NCKAP5: variants seen among roughly 807,000 people sequenced by gnomAD.
NCKAP5 encodes the protein nck-associated protein 5.
NCKAP5 carries 92 observed loss-of-function variants against 167.0 expected under a neutral mutation model. That is an observed-to-expected ratio of 0.55 (90% confidence interval 0.47 to 0.66). The LOEUF is 0.66. Ranked by LOEUF, NCKAP5 falls within the 30% of genes least tolerant of loss-of-function variation. The probability of loss-of-function intolerance (pLI) is 0.00; values close to 1 mark genes in which losing one functional copy is unlikely to be tolerated. For missense variants in NCKAP5, 2,378 were observed against 2,315.0 expected (o/e 1.03, Z -0.56); for synonymous variants, 891 against 877.4 (o/e 1.02, Z -0.27).
chr2:132,690,070 A>C (rs894476004), intron 19 of NCKAP5, among the ~76,000 whole-genome samples: 1 of 152,140 alleles, frequency 6.6e-6, no homozygotes, highest in South Asian at 2.1e-4. Context: ...CAAGTCCTTG[A>C]ATAATATCCT....
intron 6 of NCKAP5, among the ~76,000 whole-genome samples, chr2:133,003,933 G>C (rs577273604): frequency 1.4e-4 from 22 of 152,338 alleles, no homozygotes; most frequent in African/African-American, 4.8e-4. Context: ...ACTGCACGGA[G>C]AGAGGCCGAT....
At chr2:132,750,773 C>T (rs963898472) in intron 16 of NCKAP5, among the ~76,000 whole-genome samples, 3 of 152,118 alleles carry the variant, frequency 2.0e-5, no homozygotes, top group African/African-American at 7.2e-5. Context: ...GCCAGGGCAG[C>T]TAAGAGAGCT....
At chr2:132,886,632 T>C (rs1206953646) in intron 8 of NCKAP5, among the ~76,000 whole-genome samples, 5 of 152,250 alleles carry the variant, frequency 3.3e-5, no homozygotes, top group Non-Finnish European at 5.9e-5. Context: ...TTTTCAAAAG[T>C]ATAGGCCAGT....
chr2:132,930,078 C>T (rs1156666839), intron 8 of NCKAP5: 3 of 152,142 alleles, frequency 2.0e-5, no homozygotes, highest in Non-Finnish European at 4.4e-5. Context: ...CTACTTCCAA[C>T]CTCCACAATT....
chr2:133,352,023 A>G (rs1684397748), intron 3 of NCKAP5, among the ~76,000 whole-genome samples: 1 of 152,142 alleles, frequency 6.6e-6, no homozygotes, highest in African/African-American at 2.4e-5. Flanking sequence ...TCTATGAAAA[A>G]AAATGCAACT....
intron 11 of NCKAP5, among the ~76,000 whole-genome samples, chr2:132,801,753 A>G (rs1284619618): frequency 1.3e-5 from 2 of 152,140 alleles, no homozygotes; most frequent in East Asian, 1.9e-4. Flanking sequence ...AGTCAGTTTT[A>G]TGTTCTCTGT....
At chr2:132,862,477 C>T (rs1689987071) in intron 10 of NCKAP5, among the ~76,000 whole-genome samples, 1 of 152,146 alleles carries the variant, frequency 6.6e-6, no homozygotes, top group African/African-American at 2.4e-5. Flanking sequence ...GGCAGGATCA[C>T]GAGTGCACAT....
At chr2:133,606,653 A>C in the NCKAP5 span, among the ~76,000 whole-genome samples, 1 of 149,864 alleles carries the variant, frequency 6.7e-6, no homozygotes, top group African/African-American at 2.5e-5. Context: ...CACCTCCAAA[A>C]TTTTGCCAAG....
At chr2:133,092,815 C>T (rs1394412513) in intron 6 of NCKAP5, among the ~76,000 whole-genome samples, 4 of 152,128 alleles carry the variant, frequency 2.6e-5, no homozygotes, top group Non-Finnish European at 5.9e-5. Context: ...TTAGTAACAC[C>T]ATTCCTTTCA....
At chr2:132,925,725 G>GGGTT (rs748982930) in intron 8 of NCKAP5, among the ~76,000 whole-genome samples, 9 of 152,190 alleles carry the variant, frequency 5.9e-5, no homozygotes, top group African/African-American at 1.4e-4. Flanking sequence ...TGTGGCCTGG[G>GGGTT]GGTTGGGGAC....
At chr2:132,818,298 C>A (rs1558817434) in intron 11 of NCKAP5, among the ~76,000 whole-genome samples, 1 of 152,202 alleles carries the variant, frequency 6.6e-6, no homozygotes, top group Admixed American at 6.5e-5. Flanking sequence ...ATAATCTAAG[C>A]AATTGTCCTG....
chr2:132,726,879 G>C (rs529514388), intron 18 of NCKAP5, among the ~76,000 whole-genome samples: 1 of 152,334 alleles, frequency 6.6e-6, no homozygotes, highest in Non-Finnish European at 1.5e-5. Flanking sequence ...CATGAAGAAA[G>C]ACAAGTCTAC....
At chr2:133,260,046 A>T (rs1237998342) in intron 4 of NCKAP5, among the ~76,000 whole-genome samples, 1 of 152,244 alleles carries the variant, frequency 6.6e-6, no homozygotes, top group Non-Finnish European at 1.5e-5. Flanking sequence ...TATTAATGCA[A>T]TGAGGATGAG....
At chr2:133,392,456 T>A (rs1687476355) in intron 3 of NCKAP5, among the ~76,000 whole-genome samples, 1 of 152,208 alleles carries the variant, frequency 6.6e-6, no homozygotes, top group Admixed American at 6.5e-5. Context: ...TTAAGTGACA[T>A]ATGACTGTAG....
chr2:133,174,043 T>C (rs1181756611), intron 5 of NCKAP5, among the ~76,000 whole-genome samples: 4 of 152,210 alleles, frequency 2.6e-5, no homozygotes, highest in African/African-American at 9.6e-5. Flanking sequence ...AAAGTGTTTA[T>C]TTGAATTTCA....
At chr2:132,769,523 A>G (rs1363825303) in intron 16 of NCKAP5, among the ~76,000 whole-genome samples, 1 of 152,152 alleles carries the variant, frequency 6.6e-6, no homozygotes. Flanking sequence ...GGGTGAAAAT[A>G]TATATATTCT....
At chr2:132,808,006 G>T (rs1685565909) in intron 11 of NCKAP5, among the ~76,000 whole-genome samples, 1 of 152,106 alleles carries the variant, frequency 6.6e-6, no homozygotes, top group Non-Finnish European at 1.5e-5. Context: ...TGCATCTATT[G>T]AGATGATCAT....
chr2:132,969,243 A>G (rs1054243350), intron 7 of NCKAP5, among the ~76,000 whole-genome samples: 10 of 151,934 alleles, frequency 6.6e-5, no homozygotes, highest in Non-Finnish European at 1.5e-4. Context: ...TCATTATGTT[A>G]GCCAGGCTGG....
chr2:132,773,412 A>G (rs896845234), intron 16 of NCKAP5, among the ~76,000 whole-genome samples: 1 of 152,244 alleles, frequency 6.6e-6, no homozygotes. Flanking sequence ...GAGTTTTGGC[A>G]AACCGTATTT....
Sources: gnomAD v4.1 joint callset for allele counts (sites outside exome capture counted in the v4.1 genomes callset) on GRCh38, gnomAD v4.1.1 for gene constraint, MANE v1.5 for transcripts, NCBI Gene and HGNC (gene_info 2026-07-23, HGNC 2026-07-21) for gene names.